Variants in UXS1 observed in about 807,000 individuals in gnomAD.
UXS1 encodes UDP-glucuronic acid decarboxylase 1.
UXS1 carries 33 observed loss-of-function variants against 62.6 expected under a neutral mutation model. That is an observed-to-expected ratio of 0.53 (90% confidence interval 0.40 to 0.70). UXS1 has a LOEUF of 0.70. Ranked by LOEUF, UXS1 falls within the 30% of genes least tolerant of loss-of-function variation. UXS1 has a pLI of 0.00. For synonymous variants in UXS1, 213 were observed against 206.8 expected, an observed-to-expected ratio of 1.03 and a Z score of -0.26; for missense variants, 434 against 556.3, an observed-to-expected ratio of 0.78 and a Z score of 2.21.
In UXS1 at chr2:106,102,211, T is replaced by A. The variant is rs536031243; in HGVS notation, c.924-1093A>T. On this transcript the variant is annotated intron_variant, in intron 11 of 14. Coordinates refer to ENST00000283148, the MANE Select transcript of UXS1 (RefSeq NM_001253875.2). ...CTAACCTTGGATGATTTCTCCTTTA[T>A]AGAAACTAGCAAAAAGTCACTTCAT... The A allele has an allele frequency of 3.3e-5, 5 of 152,352 alleles. No homozygotes were observed. The South Asian group carries it at 8.3e-4, about 25-fold the overall frequency. The allele number at this position is 152,352 out of a possible 1,614,324, so 9.4% of individuals were successfully genotyped here. A position where few individuals can be genotyped will look rare whatever the true frequency, so the allele number is the denominator to read the frequency against.
intron 1 of UXS1, among the ~76,000 whole-genome samples, chr2:106,183,046 T>C (rs1015547279): frequency 6.6e-6 from 1 of 152,160 alleles, no homozygotes; most frequent in African/African-American, 2.4e-5. Context: ...TTTGGCAATG[T>C]ATGAGTTTTG....
At chr2:106,158,458 G>C (rs988863269) in intron 4 of UXS1, among the ~76,000 whole-genome samples, 2 of 152,234 alleles carry the variant, frequency 1.3e-5, no homozygotes, top group African/African-American at 4.8e-5. Context: ...GGAGATGGCC[G>C]TGAAACTGCC....
intron 13 of UXS1, 56 bp downstream of exon 13, chr2:106,098,660 T>G: frequency 1.4e-6 from 2 of 1,461,508 alleles, no homozygotes; most frequent in South Asian, 2.4e-5. Flanking sequence ...AAGGTGTTAT[T>G]AACAGATAGG....
At chr2:106,170,678 C>A (rs893678434) in intron 1 of UXS1, among the ~76,000 whole-genome samples, 1 of 152,210 alleles carries the variant, frequency 6.6e-6, no homozygotes, top group Non-Finnish European at 1.5e-5. Context: ...CACACACACA[C>A]AGCAAAGCAG....
chr2:106,147,986 G>A (rs560406975), intron 5 of UXS1, among the ~76,000 whole-genome samples: 91 of 152,282 alleles, frequency 6.0e-4, no homozygotes, highest in Admixed American at 5.8e-3. Context: ...CCTCATGCTC[G>A]ATAGCTTTCA....
At chr2:106,113,947 C>CT (rs1458769010) in intron 9 of UXS1, among the ~76,000 whole-genome samples, 1 of 152,228 alleles carries the variant, frequency 6.6e-6, no homozygotes, top group African/African-American at 2.4e-5. Context: ...TGAAACAGTT[C>CT]TTTTTTCAAT....
intron 13 of UXS1, among the ~76,000 whole-genome samples, chr2:106,098,205 A>C (rs1233714150): frequency 1.3e-5 from 2 of 152,214 alleles, no homozygotes; most frequent in Non-Finnish European, 2.9e-5. Context: ...CTATGTCTGC[A>C]ATCCAGGGCT....
chr2:106,125,081 C>T (rs992399489), intron 8 of UXS1, among the ~76,000 whole-genome samples: 4 of 152,204 alleles, frequency 2.6e-5, no homozygotes, highest in Admixed American at 1.3e-4. Context: ...AACTCCTTCT[C>T]AGGCAGTGAA....
At chr2:106,164,252 C>A (rs1358350607) in intron 3 of UXS1, among the ~76,000 whole-genome samples, 2 of 152,188 alleles carry the variant, frequency 1.3e-5, no homozygotes, top group African/African-American at 4.8e-5. Flanking sequence ...ATCCCCTCCC[C>A]CACAGCCCAT....
chr2:106,097,881 C>T (rs1247792535), intron 13 of UXS1, among the ~76,000 whole-genome samples: 1 of 152,218 alleles, frequency 6.6e-6, no homozygotes, highest in Non-Finnish European at 1.5e-5. Context: ...CAGGCTATGT[C>T]TGAGGAAGAC....
At chr2:106,149,333 T>C (rs1055126215) in intron 5 of UXS1, among the ~76,000 whole-genome samples, 2 of 152,240 alleles carry the variant, frequency 1.3e-5, no homozygotes, top group African/African-American at 2.4e-5. Flanking sequence ...ACAGTGCTGC[T>C]GTGCTTTTAA....
intron 9 of UXS1, among the ~76,000 whole-genome samples, chr2:106,113,341 T>C (rs1012922863): frequency 6.6e-6 from 1 of 152,242 alleles, no homozygotes; most frequent in Admixed American, 6.5e-5. Context: ...AAATACAACT[T>C]AGTGCCCAGT....
intron 3 of UXS1, 113 bp downstream of exon 3, chr2:106,164,623 C>T: frequency 1.3e-6 from 1 of 789,872 alleles, no homozygotes; most frequent in Non-Finnish European, 1.9e-6. Context: ...GACACGGTTG[C>T]AAAATCACAG....
intron 1 of UXS1, among the ~76,000 whole-genome samples, chr2:106,183,145 A>AT (rs2105111712): frequency 6.6e-6 from 1 of 152,100 alleles, no homozygotes; most frequent in South Asian, 2.1e-4. Context: ...TGAGTGTCAG[A>AT]ATAACTTGGT....
chr2:106,174,871 C>CCA (rs1683783456), intron 1 of UXS1, among the ~76,000 whole-genome samples: 1 of 152,244 alleles, frequency 6.6e-6, no homozygotes, highest in South Asian at 2.1e-4. Context: ...CATCCCTGGG[C>CCA]CACCCTTCCA....
chr2:106,163,281 A>G (rs1683013149), intron 4 of UXS1, among the ~76,000 whole-genome samples: 1 of 151,914 alleles, frequency 6.6e-6, no homozygotes, highest in East Asian at 1.9e-4. Context: ...ATGACTACAC[A>G]TGACACACCA....
intron 14 of UXS1, 97 bp from the exon 15 acceptor site, chr2:106,094,254 T>TGCAGGAAGGAAGTGCCACCTG: frequency 6.7e-7 from 1 of 1,503,388 alleles, no homozygotes; most frequent in Non-Finnish European, 9.1e-7. Context: ...AGTGCCACCT[T>TGCAGGAAGGAAGTGCCACCTG]GCAGCCAGTC....
At chr2:106,164,699 CA>C (rs1280714171) in intron 3 of UXS1, 36 bp downstream of exon 3, 2 of 1,436,462 alleles carry the variant, frequency 1.4e-6, no homozygotes, top group African/African-American at 2.9e-5. Context: ...GACAAGTATA[CA>C]GATGAAATAG....
intron 6 of UXS1, among the ~76,000 whole-genome samples, chr2:106,130,203 C>T (rs1397487480): frequency 6.6e-6 from 1 of 151,894 alleles, no homozygotes; most frequent in Non-Finnish European, 1.5e-5. Context: ...AGTAGCCTCT[C>T]GTTTGTTTTT....
Sources: allele counts gnomAD v4.1 joint callset (sites outside exome capture counted in the v4.1 genomes callset), GRCh38; gene constraint gnomAD v4.1.1; transcripts MANE v1.5; gene names NCBI Gene and HGNC (gene_info 2026-07-23, HGNC 2026-07-21).